CFAP119: variants seen among roughly 807,000 people sequenced by gnomAD.
CFAP119 encodes the protein cilia- and flagella-associated protein 119.
At chr16:30,758,517 G>T in the CFAP119 span, 1 of 194,872 alleles carries the variant, frequency 5.1e-6, no homozygotes, top group African/African-American at 2.4e-5. Flanking sequence ...GCTTTCTAAT[G>T]ATCATTTCTC....
At chr16:30,757,749 C>T in the CFAP119 span, 1 of 1,487,020 alleles carries the variant, frequency 6.7e-7, no homozygotes, top group Non-Finnish European at 8.9e-7. Flanking sequence ...CCAAATTTCC[C>T]CTGGTGGGGA....
the CFAP119 span, chr16:30,760,414 C>G: frequency 1.9e-6 from 3 of 1,614,208 alleles, no homozygotes; most frequent in Non-Finnish European, 2.5e-6. Flanking sequence ...CCCTCAGGCT[C>G]TGCTCAGGAC....
the CFAP119 span, chr16:30,759,023 T>C: frequency 6.2e-7 from 1 of 1,614,242 alleles, no homozygotes; most frequent in Non-Finnish European, 8.5e-7. Context: ...TGGCTCTGGC[T>C]CTGGTGGGGC....
chr16:30,761,625 TCCGCGCGG>T, the CFAP119 span: 1 of 1,536,066 alleles, frequency 6.5e-7, no homozygotes, highest in Non-Finnish European at 8.7e-7. Context: ...CTCGCACGCG[TCCGCGCGG>T]CCGACCCATG....
chr16:30,759,399 G>A, the CFAP119 span: 6 of 1,614,114 alleles, frequency 3.7e-6, no homozygotes, highest in African/African-American at 1.3e-5. Flanking sequence ...TGTTGACCAC[G>A]TAGTCTTCCA....
the CFAP119 span, chr16:30,759,624 A>G: frequency 3.7e-6 from 6 of 1,613,938 alleles, no homozygotes; most frequent in Middle Eastern, 1.6e-4. Flanking sequence ...GGGATGGGTA[A>G]AGTTTCCAGA....
the CFAP119 span, chr16:30,761,234 GGAAA>G: frequency 4.2e-5 from 67 of 1,613,672 alleles, no homozygotes; most frequent in African/African-American, 8.0e-4. Context: ...CGGCGGCTGC[GGAAA>G]GAAAGCGAAT....
At chr16:30,760,742 G>A in the CFAP119 span, 2 of 1,393,068 alleles carry the variant, frequency 1.4e-6, no homozygotes, top group African/African-American at 2.9e-5. Flanking sequence ...TAGTGCGTGA[G>A]ACTGGGAGTT....
At chr16:30,761,598 T>C in the CFAP119 span, 2 of 1,536,144 alleles carry the variant, frequency 1.3e-6, no homozygotes, top group South Asian at 2.4e-5. Flanking sequence ...GCCGCCGTCG[T>C]CCACTGAGTC....
chr16:30,757,629 G>A, the CFAP119 span: 21 of 1,613,770 alleles, frequency 1.3e-5, no homozygotes, highest in East Asian at 2.2e-5. Context: ...GGGTCTTGAT[G>A]TAGGCTCGGA....
the CFAP119 span, chr16:30,759,675 G>T: frequency 6.2e-7 from 1 of 1,613,884 alleles, no homozygotes; most frequent in African/African-American, 1.3e-5. Flanking sequence ...GGCAAAAAAG[G>T]ACACTGGTGA....
the CFAP119 span, chr16:30,759,687 G>T: frequency 6.2e-7 from 1 of 1,613,888 alleles, no homozygotes; most frequent in African/African-American, 1.3e-5. Context: ...CACTGGTGAA[G>T]TAGCGGTAGC....
chr16:30,761,593 C>T, the CFAP119 span: 35 of 1,536,066 alleles, frequency 2.3e-5, no homozygotes, highest in Non-Finnish European at 2.7e-5. Context: ...CCGCCGCCGC[C>T]GTCGTCCACT....
chr16:30,757,538 A>G, the CFAP119 span: 8 of 1,614,100 alleles, frequency 5.0e-6, no homozygotes, highest in Admixed American at 5.0e-5. Flanking sequence ...AGTGCAGTCA[A>G]CTTGCTGCTG....
chr16:30,760,516 A>G, the CFAP119 span: 10 of 1,610,278 alleles, frequency 6.2e-6, no homozygotes, highest in African/African-American at 9.4e-5. Context: ...CACCCACCAC[A>G]TGCTTTGGAG....
chr16:30,757,689 G>A, the CFAP119 span: 3 of 1,578,172 alleles, frequency 1.9e-6, no homozygotes, highest in African/African-American at 4.1e-5. Context: ...AGGGTGAGGA[G>A]AGATGCTGTC....
the CFAP119 span, chr16:30,761,136 A>T: frequency 1.3e-6 from 2 of 1,572,094 alleles, no homozygotes; most frequent in Non-Finnish European, 8.7e-7. Flanking sequence ...CACAGACAGG[A>T]CTGTTGGGGA....
the CFAP119 span, chr16:30,761,348 G>T: frequency 6.8e-7 from 1 of 1,478,322 alleles, no homozygotes; most frequent in Non-Finnish European, 9.5e-7. Flanking sequence ...AAGGAGAGGC[G>T]CGGGCGAGGG....
the CFAP119 span, chr16:30,760,075 T>G: frequency 6.5e-7 from 1 of 1,534,436 alleles, no homozygotes; most frequent in Non-Finnish European, 8.7e-7. Flanking sequence ...ATATTATTTC[T>G]CAGAACAGTC....
Sources: allele counts gnomAD v4.1 joint callset, GRCh38; gene constraint gnomAD v4.1.1; transcripts MANE v1.5; gene names NCBI Gene and HGNC (gene_info 2026-07-23, HGNC 2026-07-21).